Variants in FAM13C observed in about 807,000 individuals in gnomAD.
The protein encoded by FAM13C is protein FAM13C.
FAM13C carries 37 observed loss-of-function variants against 73.2 expected under a neutral mutation model. That is an observed-to-expected ratio of 0.51 (90% CI 0.39 to 0.67). The LOEUF (loss-of-function observed/expected upper bound fraction) is 0.67, where lower values mean the gene tolerates loss of function less well. Ranked by LOEUF, FAM13C falls within the 30% of genes least tolerant of loss-of-function variation. The pLI is 0.00. For synonymous variants in FAM13C, 246 were observed against 260.9 expected (o/e 0.94, Z 0.55); for missense variants, 589 against 715.6 (o/e 0.82, Z 2.02).
chr10:59,247,425 A>G lies in FAM13C; in HGVS notation c.*189T>C. 1.6e-6 allele frequency: 1 copy of G among 638,094 alleles called. No individual in the cohort carries two copies. Among genetic ancestry groups the G allele is most frequent in the Non-Finnish European group, 2.6e-6 (1 of 382,464 alleles). 39.5% of individuals were successfully genotyped at this position (638,094 alleles called of 1,614,324 possible). A position where few individuals can be genotyped will look rare whatever the true frequency, so the allele number is the denominator to read the frequency against. On this transcript the variant is annotated 3_prime_UTR_variant, in exon 14 of 14. Coordinates refer to ENST00000618804, the MANE Select transcript of FAM13C (RefSeq NM_198215.4). ...TCCCAATTATATGGCTACCTGTTGTATTCTTCCCCCCGTTTAAATCCCTTC... is the reference window on the plus strand; with the variant it reads ...TCCCAATTATATGGCTACCTGTTGTGTTCTTCCCCCCGTTTAAATCCCTTC...
At chr10:59,309,426 T>C (rs1848670196) in intron 4 of FAM13C, among the ~76,000 whole-genome samples, 2 of 152,200 alleles carry the variant, frequency 1.3e-5, no homozygotes, top group African/African-American at 4.8e-5. Flanking sequence ...TATGACACCC[T>C]GAAGGATTTA....
intron 9 of FAM13C, 154 bp downstream of exon 9, chr10:59,263,930 AC>A: frequency 2.9e-6 from 2 of 690,872 alleles, no homozygotes; most frequent in Non-Finnish European, 5.2e-6. Context: ...TGACAGAGAT[AC>A]AGGGTGCTTT....
chr10:59,274,961 T>C (rs1844158467), intron 6 of FAM13C, among the ~76,000 whole-genome samples: 1 of 152,188 alleles, frequency 6.6e-6, no homozygotes, highest in African/African-American at 2.4e-5. Context: ...GAAAGCTGGG[T>C]GCTGGATGCT....
At chr10:59,290,556 C>T (rs563521704) in intron 5 of FAM13C, among the ~76,000 whole-genome samples, 1 of 152,290 alleles carries the variant, frequency 6.6e-6, no homozygotes, top group East Asian at 1.9e-4. Flanking sequence ...TCTGCCCCCT[C>T]CTCCTCAGAC....
chr10:59,283,563 CA>C lies in FAM13C; in HGVS notation c.508-117del, dbSNP rs1163063655. ...AGCTAAGTAGATGCCTAACACACAA[CA>C]GTGTGTCCGCAGCTCCCGCAAGCAC... On this transcript the variant is annotated intron_variant, in intron 5 of 13. Coordinates refer to ENST00000618804, the MANE Select transcript of FAM13C (RefSeq NM_198215.4). The C allele has an allele frequency of 6.0e-6, 6 of 993,456 alleles. No individual in the cohort carries two copies. The African/African-American group carries it at 9.5e-5, about 16-fold the overall frequency. 61.5% of individuals were successfully genotyped at this position (993,456 alleles called of 1,614,324 possible). A position where few individuals can be genotyped will look rare whatever the true frequency, so the allele number is the denominator to read the frequency against.
chr10:59,287,284 T>A (rs1345545366), intron 5 of FAM13C, among the ~76,000 whole-genome samples: 44 of 121,088 alleles, frequency 3.6e-4, no homozygotes, highest in Non-Finnish European at 6.0e-4. Context: ...TTGCAGTGAG[T>A]GGAGATCATG....
Position 59,295,296 on chromosome 10 carries a change from C to A in FAM13C, c.507+7505G>T, listed in dbSNP as rs186507381. Among the ~76,000 whole-genome samples, 9 of 152,270 alleles carry A rather than the reference C, an allele frequency of 5.9e-5. No homozygotes were observed. In the East Asian group the frequency reaches 1.2e-3, roughly 20 times the overall value. The stretch of plus-strand genomic sequence containing the variant: ...GCTGAGCCTGGACCAATCGGGGAGG[C>A]CTTTAAAATGCACAGAGTTTCTTCC... On this transcript the variant is annotated intron_variant, in intron 5 of 13. Transcript: ENST00000618804.
At chr10:59,306,525 T>A (rs1483145216) in intron 4 of FAM13C, among the ~76,000 whole-genome samples, 1 of 152,164 alleles carries the variant, frequency 6.6e-6, no homozygotes, top group East Asian at 1.9e-4. Context: ...TAATGAACAC[T>A]GAGTCTTGAA....
rs1441204333 is a variant in FAM13C, at chr10:59,342,619, T to A, written c.324+9651A>T. Among the ~76,000 whole-genome samples the A allele has an allele frequency of 2.6e-5, 4 of 152,364 alleles. No individual in the cohort carries two copies. The East Asian group carries it at 7.7e-4, about 29-fold the overall frequency. ...ATACTTAATCTAAAACTATTCTTTG[T>A]TGTTTATCTGAAATTCAAATTTAAC... On this transcript the variant is annotated intron_variant, in intron 3 of 13. Coordinates refer to ENST00000618804, the MANE Select transcript of FAM13C (RefSeq NM_198215.4).
chr10:59,319,948 C>A (rs939657127), intron 4 of FAM13C, among the ~76,000 whole-genome samples: 4 of 152,146 alleles, frequency 2.6e-5, no homozygotes, highest in African/African-American at 9.7e-5. Context: ...TATCAGCCAT[C>A]ACCATATGAT....
At chr10:59,250,585 G>A (rs1841276560) in intron 13 of FAM13C, among the ~76,000 whole-genome samples, 1 of 152,184 alleles carries the variant, frequency 6.6e-6, no homozygotes, top group African/African-American at 2.4e-5. Flanking sequence ...CCACGCATGA[G>A]AGTTTCAAGG....
intron 3 of FAM13C, among the ~76,000 whole-genome samples, chr10:59,327,041 A>C (rs1851241083): frequency 6.6e-6 from 1 of 152,216 alleles, no homozygotes; most frequent in African/African-American, 2.4e-5. Context: ...CAATTTTAAG[A>C]AACGTTCAAA....
chr10:59,305,077 T>C (rs1001177837), intron 4 of FAM13C, among the ~76,000 whole-genome samples: 2 of 152,130 alleles, frequency 1.3e-5, no homozygotes, highest in African/African-American at 4.8e-5. Flanking sequence ...AATAAATTTC[T>C]TTTCCTTACA....
chr10:59,328,109 G>A (rs1008568457), intron 3 of FAM13C, among the ~76,000 whole-genome samples: 2 of 152,192 alleles, frequency 1.3e-5, no homozygotes, highest in Non-Finnish European at 2.9e-5. Context: ...CCACCTCAGT[G>A]GGGTGATTTG....
Position 59,342,577 on chromosome 10 carries a change from C to T in FAM13C, c.324+9693G>A, listed in dbSNP as rs148172818. ...GTAAGTAATTTACGTAAGTATACCC[C>T]ATGCAATATTTGGGACATACTTAAT... On this transcript the variant is annotated intron_variant, in intron 3 of 13. Transcript: ENST00000618804. Among the ~76,000 whole-genome samples the T allele has an allele frequency of 6.4e-3, 968 of 152,220 alleles. 5 individuals are homozygous for T. The highest frequency in any genetic ancestry group is 0.01 in the Middle Eastern group (3 of 294).
chr10:59,250,468 C>A (rs1349320083), intron 13 of FAM13C, among the ~76,000 whole-genome samples: 1 of 152,212 alleles, frequency 6.6e-6, no homozygotes, highest in Non-Finnish European at 1.5e-5. Flanking sequence ...GTTGTTACAT[C>A]TGTATTGGCT....
chr10:59,269,194 C>T (rs1843417107), intron 7 of FAM13C, among the ~76,000 whole-genome samples: 1 of 151,930 alleles, frequency 6.6e-6, no homozygotes, highest in Non-Finnish European at 1.5e-5. Flanking sequence ...CTTTCAGGTC[C>T]ATCGATAGAT....
chr10:59,274,455 G>A (rs1025338211), intron 6 of FAM13C, among the ~76,000 whole-genome samples: 1 of 152,120 alleles, frequency 6.6e-6, no homozygotes, highest in Non-Finnish European at 1.5e-5. Context: ...TGGGGAGACT[G>A]ACTGAGCAGT....
At chr10:59,250,277 G>A (rs947545477) in intron 13 of FAM13C, among the ~76,000 whole-genome samples, 14 of 151,942 alleles carry the variant, frequency 9.2e-5, no homozygotes, top group African/African-American at 3.4e-4. Flanking sequence ...TATTTTACAA[G>A]GAAAGTTACA....
Sources: allele counts gnomAD v4.1 joint callset (sites outside exome capture counted in the v4.1 genomes callset), GRCh38; gene constraint gnomAD v4.1.1; transcripts MANE v1.5; gene names NCBI Gene and HGNC (gene_info 2026-07-23, HGNC 2026-07-21).